Variants in MTA3 observed in about 807,000 individuals in gnomAD.
The protein encoded by MTA3 is metastasis-associated protein MTA3.
MTA3 carries 34 observed loss-of-function variants against 83.5 expected under a neutral mutation model. The observed-to-expected ratio is 0.41, with a 90% CI of 0.31 to 0.54. The LOEUF (loss-of-function observed/expected upper bound fraction) is 0.54, where lower values mean the gene tolerates loss of function less well. Among genes scored for constraint, MTA3 ranks in the 20% least tolerant of loss-of-function variants. The pLI, the probability that MTA3 is intolerant of heterozygous loss-of-function variation, is 0.33. For missense variants in MTA3, 761 were observed against 726.4 expected (o/e 1.05, Z -0.55); for synonymous variants, 303 against 252.7 (o/e 1.20, Z -1.89).
intron 2 of MTA3, chr2:42,533,031 TG>T: frequency 5.3e-6 from 1 of 189,276 alleles, no homozygotes; most frequent in Non-Finnish European, 1.1e-5. Flanking sequence ...AACAGCATGC[TG>T]GGTGGCATTG....
intron 3 of MTA3, 49 bp from the exon 4 acceptor site, chr2:42,609,409 C>T (rs1327312692): frequency 9.0e-6 from 14 of 1,557,760 alleles, no homozygotes; most frequent in African/African-American, 4.1e-5. Flanking sequence ...AATATCCAAA[C>T]AGATAATGTG....
chr2:42,683,732 G>T (rs117881128), intron 9 of MTA3, among the ~76,000 whole-genome samples: 2 of 152,056 alleles, frequency 1.3e-5, no homozygotes. Context: ...TCATGCTCCC[G>T]TGAGAATCTA....
At chr2:42,637,827 A>G (rs936403379) in intron 4 of MTA3, among the ~76,000 whole-genome samples, 3 of 152,152 alleles carry the variant, frequency 2.0e-5, no homozygotes, top group Non-Finnish European at 4.4e-5. Context: ...TTATGAAAAT[A>G]AAGGTTTTAT....
chr2:42,700,305 A>G (rs1284376544), intron 11 of MTA3, among the ~76,000 whole-genome samples: 1 of 152,234 alleles, frequency 6.6e-6, no homozygotes, highest in Non-Finnish European at 1.5e-5. Flanking sequence ...AACATTAAAA[A>G]TGTTTGCTTA....
At chr2:42,667,641 G>T (rs1205384832) in intron 8 of MTA3, among the ~76,000 whole-genome samples, 5 of 145,918 alleles carry the variant, frequency 3.4e-5, no homozygotes, top group African/African-American at 1.3e-4. Context: ...GAGAGAGAGA[G>T]AGAGAGAGAG....
At chr2:42,565,450 G>A (rs1246780899), upstream of MTA3, among the ~76,000 whole-genome samples, 1 of 151,362 alleles carries the variant, frequency 6.6e-6, no homozygotes, top group Non-Finnish European at 1.5e-5. Context: ...TTACAGGCGT[G>A]AGCCACCATG....
chr2:42,509,108 T>C (rs1298883864), intron 2 of MTA3, among the ~76,000 whole-genome samples: 1 of 152,082 alleles, frequency 6.6e-6, no homozygotes, highest in Middle Eastern at 3.4e-3. Context: ...AGTGGCGTGA[T>C]CTTGGCTCAC....
At position 42,538,774 on chromosome 2, in the gene MTA3, TTTG is replaced by T. The variant is rs1676383036; in HGVS notation, c.-140-31660_-140-31658del. The stretch of plus-strand genomic sequence containing the variant: ...GAAAAAAATGTTTTTTTTGTTTTTT[TTTG>T]TTTTTTTTGAGACGGAGTCTCGCCT... On this transcript the variant is annotated intron_variant, in intron 2 of 17. Transcript: ENST00000405592. Among the ~76,000 whole-genome samples the T allele has an allele frequency of 1.7e-5, 2 of 116,948 alleles. 1 individual carries two copies. Among genetic ancestry groups the T allele is most frequent in the Non-Finnish European group, 3.6e-5 (2 of 55,466 alleles). 76.7% of individuals were successfully genotyped at this position (116,948 alleles called of 152,430 possible). A position where few individuals can be genotyped will look rare whatever the true frequency, so the allele number is the denominator to read the frequency against.
At position 42,644,163 on chromosome 2, in the gene MTA3, T is replaced by C. The variant is rs758905719; in HGVS notation, c.418T>C (p.Leu140=). 1.9e-6 allele frequency: 3 copies of C among 1,612,842 alleles called. No individual in the cohort carries two copies. The Admixed American group carries it at 5.0e-5, about 27-fold the overall frequency. The change falls in exon 6 of 17, where the codon TTG becomes CTG. Residue 140 remains leucine, a synonymous_variant. Coordinates refer to ENST00000405094, the MANE Select transcript of MTA3 (RefSeq NM_001330442.2). The part of the protein sequence containing the change: ...FFYSLVYDPS[L]KTLLADKGEI... ...CTACTCATTGGTCTATGACCCCTCA[T>C]TGAAAACACTATTAGCTGACAAAGG...
chr2:42,646,130 A>G (rs1041074590), intron 6 of MTA3, among the ~76,000 whole-genome samples: 14 of 152,238 alleles, frequency 9.2e-5, no homozygotes, highest in African/African-American at 3.4e-4. Flanking sequence ...TATTTACAGT[A>G]TGGTTTACTG....
Position 42,597,293 on chromosome 2 carries a change from G to A in MTA3, c.191-12165G>A, listed in dbSNP as rs116230201. Among the ~76,000 whole-genome samples, 934 of 151,648 alleles carry A rather than the reference G, an allele frequency of 6.2e-3. 8 individuals are homozygous for A. Among genetic ancestry groups the A allele is most frequent in the African/African-American group, 0.02 (841 of 41,314 alleles). On this transcript the variant is annotated intron_variant, in intron 3 of 16. Coordinates refer to ENST00000405094, the MANE Select transcript of MTA3 (RefSeq NM_001330442.2). The stretch of plus-strand genomic sequence containing the variant: ...TTGCCCAGGCTGGTCTCAAAGTACT[G>A]GTTTCATGTGATCCTACTGCCTAAT...
chr2:42,666,362 G>A (rs1468036644), intron 8 of MTA3, among the ~76,000 whole-genome samples: 1 of 152,202 alleles, frequency 6.6e-6, no homozygotes, highest in Non-Finnish European at 1.5e-5. Context: ...TTAATTGCAT[G>A]TAGGGTTAAA....
intron 16 of MTA3, among the ~76,000 whole-genome samples, chr2:42,748,242 T>TGTGTG (rs1553402303): frequency 6.7e-6 from 1 of 150,122 alleles, no homozygotes; most frequent in Non-Finnish European, 1.5e-5. Context: ...TGTGTGTGTG[T>TGTGTG]TTTAGTAGAG....
chr2:42,692,330 C>G (rs1206268731), intron 9 of MTA3, among the ~76,000 whole-genome samples: 5 of 147,920 alleles, frequency 3.4e-5, no homozygotes, highest in Non-Finnish European at 7.4e-5. Context: ...TTATTTCAGT[C>G]TCTGTTAAAT....
chr2:42,623,449 G>C (rs921206807), intron 4 of MTA3, among the ~76,000 whole-genome samples: 1 of 152,194 alleles, frequency 6.6e-6, no homozygotes, highest in African/African-American at 2.4e-5. Flanking sequence ...TCACGCCGCT[G>C]TCTTTGGGTC....
intron 4 of MTA3, among the ~76,000 whole-genome samples, chr2:42,627,754 T>G (rs1378572792): frequency 6.7e-6 from 1 of 149,958 alleles, no homozygotes; most frequent in South Asian, 2.1e-4. Flanking sequence ...TTTTTTGTAT[T>G]TTTGGTAGAG....
At chr2:42,575,499 A>G (rs188921573) in intron 2 of MTA3, among the ~76,000 whole-genome samples, 3 of 152,342 alleles carry the variant, frequency 2.0e-5, no homozygotes, top group Admixed American at 2.0e-4. Context: ...TTCATTTTAC[A>G]AATAAAATTG....
chr2:42,532,926 G>C lies in MTA3; in HGVS notation c.-140-37511G>C, dbSNP rs374190433. On this transcript the variant is annotated intron_variant, in intron 2 of 17. Coordinates refer to the MTA3 transcript ENST00000405592. ...TGACCATTTTCCTTCACGCGCTTCA[G>C]GAAGCTCTCTCAGCTCAGAGAGTGC... 3.4e-5 allele frequency: 9 copies of C among 261,282 alleles called. No individual in the cohort carries two copies. The East Asian group carries it at 8.3e-4, about 24-fold the overall frequency. The allele number at this position is 261,282 out of a possible 1,614,324, so 16.2% of individuals were successfully genotyped here.
chr2:42,702,780 C>G (rs150851787), intron 11 of MTA3: 21 of 152,294 alleles, frequency 1.4e-4, no homozygotes, highest in African/African-American at 5.1e-4. Flanking sequence ...GTGCAGTGTT[C>G]TGGGGCACGG....
Sources: gnomAD v4.1 joint callset for allele counts (sites outside exome capture counted in the v4.1 genomes callset) on GRCh38, gnomAD v4.1.1 for gene constraint, MANE v1.5 for transcripts, NCBI Gene and HGNC (gene_info 2026-07-23, HGNC 2026-07-21) for gene names.